The following PDS5A variants were observed in gnomAD, a reference collection of about 807,000 sequenced individuals.
PDS5A encodes the protein sister chromatid cohesion protein PDS5 homolog A.
In PDS5A, 42 loss-of-function variants were observed where a neutral mutation model predicts 167.1. The observed-to-expected ratio is 0.25, with a 90% CI of 0.20 to 0.33. The LOEUF (loss-of-function observed/expected upper bound fraction) is 0.33, where lower values mean the gene tolerates loss of function less well. PDS5A is among the 10% of genes least tolerant of loss of function. The pLI is 1.00. For synonymous variants in PDS5A, 553 were observed against 554.6 expected (o/e 1.00, Z 0.04); for missense variants, 1,033 against 1,605.9 (o/e 0.64, Z 6.10).
chr4:39,849,741 GAATAA>G (rs1042819042), intron 26 of PDS5A, 89 bp from the exon 27 acceptor site: 63 of 761,966 alleles, frequency 8.3e-5, no homozygotes, highest in Admixed American at 2.2e-4. Flanking sequence ...TCTGTTGTCT[GAATAA>G]AATAAAATAA....
At chr4:39,842,909 T>TATATATATATATATATATATATATATATA (rs1717167841) in intron 30 of PDS5A, among the ~76,000 whole-genome samples, 2 of 92,308 alleles carry the variant, frequency 2.2e-5, no homozygotes, top group African/African-American at 5.5e-5. Context: ...TATCCTATTT[T>TATATATATATATATATATATATATATATA]TATATATATA....
Position 39,837,804 on chromosome 4 carries a change from G to A in PDS5A, c.4010+52C>T, listed in dbSNP as rs967365050. Reference sequence around the variant, plus strand: ...GTGACTGGCACTAAGAATATACTACGAATAAAACAAAATGTCTAAATTCCC... The same window carrying A: ...GTGACTGGCACTAAGAATATACTACAAATAAAACAAAATGTCTAAATTCCC... On this transcript the variant is annotated intron_variant, in intron 32 of 32. Coordinates refer to ENST00000303538, the MANE Select transcript of PDS5A (RefSeq NM_001100399.2). 6.5e-6 allele frequency: 9 copies of A among 1,378,586 alleles called. No homozygotes were observed. The East Asian group carries it at 1.6e-4, about 25-fold the overall frequency. The allele number at this position is 1,378,586 out of a possible 1,614,324, so 85.4% of individuals were successfully genotyped here. A position where few individuals can be genotyped will look rare whatever the true frequency, so the allele number is the denominator to read the frequency against.
At chr4:39,854,528 A>G (rs1179197169) in intron 26 of PDS5A, among the ~76,000 whole-genome samples, 1 of 152,116 alleles carries the variant, frequency 6.6e-6, no homozygotes, top group African/African-American at 2.4e-5. Context: ...GTATGTCTGA[A>G]GTCTACACTA....
intron 21 of PDS5A, among the ~76,000 whole-genome samples, chr4:39,872,100 C>T (rs1323942587): frequency 6.6e-6 from 1 of 151,360 alleles, no homozygotes; most frequent in Non-Finnish European, 1.5e-5. Flanking sequence ...TCAGAGCACA[C>T]AGACATCAAT....
chr4:39,915,236 AC>A (rs1724255484), intron 8 of PDS5A, among the ~76,000 whole-genome samples: 1 of 151,246 alleles, frequency 6.6e-6, no homozygotes, highest in South Asian at 2.1e-4. Context: ...ACAGAATCTT[AC>A]CATGCTGACA....
intron 11 of PDS5A, among the ~76,000 whole-genome samples, chr4:39,907,231 A>C (rs1180514485): frequency 6.6e-6 from 1 of 152,194 alleles, no homozygotes; most frequent in Non-Finnish European, 1.5e-5. Flanking sequence ...AAAAATCTTC[A>C]AAGTTAAAAT....
chr4:39,876,900 C>G lies in PDS5A; in HGVS notation c.2153+93G>C, dbSNP rs374207019. 13 of 912,568 alleles carry G rather than the reference C, an allele frequency of 1.4e-5. No homozygotes were observed. In the South Asian group the frequency reaches 2.6e-4, roughly 18 times the overall value. 56.5% of individuals were successfully genotyped at this position (912,568 alleles called of 1,614,324 possible). ...TCTAAATCAAAGTTGTCTTTCTTCCCTCCTATCTTCCTACACAGAAGGAAA... is the reference window on the plus strand; with the variant it reads ...TCTAAATCAAAGTTGTCTTTCTTCCGTCCTATCTTCCTACACAGAAGGAAA... On this transcript the variant is annotated intron_variant, in intron 19 of 32. Transcript: ENST00000303538.
At chr4:39,880,574 AT>A (rs34892335) in intron 17 of PDS5A, among the ~76,000 whole-genome samples, 4 of 151,502 alleles carry the variant, frequency 2.6e-5, no homozygotes, top group Non-Finnish European at 5.9e-5. Context: ...ATTTTGGCTA[AT>A]TTTTTTTTCC....
At chr4:39,865,182 T>G in intron 23 of PDS5A, among the ~76,000 whole-genome samples, 1 of 152,196 alleles carries the variant, frequency 6.6e-6, no homozygotes, top group Non-Finnish European at 1.5e-5. Flanking sequence ...AAGTTTAAAT[T>G]GTATTGACTG....
chr4:39,894,116 T>C (rs1196978109), intron 16 of PDS5A, among the ~76,000 whole-genome samples: 1 of 152,168 alleles, frequency 6.6e-6, no homozygotes, highest in Non-Finnish European at 1.5e-5. Flanking sequence ...AGCTCAGAAG[T>C]ACAAAGCTTA....
intron 17 of PDS5A, among the ~76,000 whole-genome samples, chr4:39,885,938 G>C (rs1356544560): frequency 2.0e-5 from 3 of 152,194 alleles, no homozygotes; most frequent in African/African-American, 7.2e-5. Flanking sequence ...CTGGGTGACA[G>C]AGCAAGACCT....
At chr4:39,945,458 CAAAAAAAA>C (rs1210256217) in intron 2 of PDS5A, among the ~76,000 whole-genome samples, 1 of 66,826 alleles carries the variant, frequency 1.5e-5, no homozygotes, top group African/African-American at 5.4e-5. Context: ...GAGACTGCCT[CAAAAAAAA>C]AAAAAAAAAA....
intron 32 of PDS5A, among the ~76,000 whole-genome samples, chr4:39,833,947 T>G (rs546006589): frequency 6.6e-6 from 1 of 152,212 alleles, no homozygotes; most frequent in Non-Finnish European, 1.5e-5. Flanking sequence ...AGCAGAGCTT[T>G]GGATAGAAAG....
At chr4:39,889,185 T>C (rs1198306705) in intron 17 of PDS5A, among the ~76,000 whole-genome samples, 1 of 152,026 alleles carries the variant, frequency 6.6e-6, no homozygotes, top group Non-Finnish European at 1.5e-5. Context: ...CTGCAAGAGA[T>C]TAGGACATAG....
At chr4:39,840,848 G>A (rs1716934754) in intron 31 of PDS5A, among the ~76,000 whole-genome samples, 1 of 152,078 alleles carries the variant, frequency 6.6e-6, no homozygotes, top group African/African-American at 2.4e-5. Flanking sequence ...TTCACCTCGA[G>A]GGTTCAAGTG....
intron 26 of PDS5A, 25 bp downstream of exon 26, chr4:39,862,194 G>T: frequency 1.1e-6 from 1 of 933,536 alleles, no homozygotes; most frequent in Non-Finnish European, 1.6e-6. Context: ...AATTTTTAGA[G>T]TTCTTGAAAA....
intron 2 of PDS5A, among the ~76,000 whole-genome samples, chr4:39,939,393 G>A (rs1164353469): frequency 6.6e-6 from 1 of 152,128 alleles, no homozygotes. Context: ...CTTGAACCTA[G>A]GAGGGTGAGG....
intron 25 of PDS5A, 61 bp from the exon 26 acceptor site, chr4:39,862,394 A>G: frequency 1.5e-6 from 1 of 677,352 alleles, no homozygotes; most frequent in Non-Finnish European, 2.5e-6. Context: ...CTGAGTTCTA[A>G]CCACTTAAGT....
intron 2 of PDS5A, among the ~76,000 whole-genome samples, chr4:39,949,076 T>C (rs934603112): frequency 1.3e-5 from 2 of 151,144 alleles, no homozygotes; most frequent in Admixed American, 6.6e-5. Flanking sequence ...AGGCCAGAGA[T>C]CACCTGAGCA....
Sources: allele counts gnomAD v4.1 joint callset (sites outside exome capture counted in the v4.1 genomes callset), GRCh38; gene constraint gnomAD v4.1.1; transcripts MANE v1.5; gene names NCBI Gene and HGNC (gene_info 2026-07-23, HGNC 2026-07-21).